Variants in IGSF10 observed in about 807,000 individuals in gnomAD.
IGSF10 encodes calvaria mechanical force protein 608.
In IGSF10, 126 loss-of-function variants were observed where a neutral mutation model predicts 128.2. The observed-to-expected ratio is 0.98, with a 90% CI of 0.85 to 1.14. The LOEUF (loss-of-function observed/expected upper bound fraction) is 1.14, where lower values mean the gene tolerates loss of function less well. Among genes scored for constraint, IGSF10 ranks in the 50% most tolerant of loss-of-function variants. The pLI is 0.00. For missense variants in IGSF10, 3,295 were observed against 3,149.8 expected, an observed-to-expected ratio of 1.05 and a Z score of -1.10; for synonymous variants, 1,185 against 1,146.2, an observed-to-expected ratio of 1.03 and a Z score of -0.68.
the IGSF10 span, among the ~76,000 whole-genome samples, chr3:151,614,719 C>G: frequency 6.6e-6 from 1 of 151,812 alleles, no homozygotes; most frequent in Admixed American, 6.6e-5. Context: ...ATACCTAATG[C>G]TAAATGACAA....
rs1721216604 is a variant in IGSF10, at chr3:151,446,702, G to A, written c.3279C>T (p.Asp1093=). 1.2e-6 allele frequency: 2 copies of A among 1,614,030 alleles called. No individual in the cohort carries two copies. The highest frequency in any genetic ancestry group is 8.5e-7 in the Non-Finnish European group (1 of 1,180,028). ...ACTCTTCTGATGGGACTCTAGCAAT[G>A]TCAGCTTTGGGGAAGGTGATGGGAG... is the stretch of plus-strand genomic sequence containing the variant. The part of the protein sequence containing the change: ...SAAPITFPKA[D]IARVPSEEST... The change falls in exon 6 of 8, where the codon GAC becomes GAT. Residue 1093 remains aspartate, a synonymous_variant. Transcript: ENST00000282466.
At chr3:151,512,454 T>C in the IGSF10 span, among the ~76,000 whole-genome samples, 7 of 152,158 alleles carry the variant, frequency 4.6e-5, no homozygotes, top group East Asian at 1.4e-3. Context: ...CTGGGACATA[T>C]TCAAAGCAGT....
At chr3:151,579,098 C>T in the IGSF10 span, among the ~76,000 whole-genome samples, 30 of 152,200 alleles carry the variant, frequency 2.0e-4, no homozygotes, top group African/African-American at 6.7e-4. Flanking sequence ...AAACATTCTC[C>T]GAAAACCCAA....
chr3:151,549,838 ATG>A, the IGSF10 span, among the ~76,000 whole-genome samples: 526 of 152,290 alleles, frequency 3.5e-3, 4 homozygotes, highest in African/African-American at 0.012. Context: ...TAATCTAGAT[ATG>A]TCTCATTGAA....
chr3:151,516,796 T>C, the IGSF10 span, among the ~76,000 whole-genome samples: 1 of 152,084 alleles, frequency 6.6e-6, no homozygotes, highest in Non-Finnish European at 1.5e-5. Context: ...GTAAAAACAA[T>C]TAGATTAGGA....
chr3:151,576,233 C>T, the IGSF10 span, among the ~76,000 whole-genome samples: 2 of 151,722 alleles, frequency 1.3e-5, no homozygotes, highest in African/African-American at 2.4e-5. Flanking sequence ...GCACCATTTT[C>T]ATTATACATT....
Position 151,438,340 on chromosome 3 carries a change from A to C in IGSF10, c.6221T>G (p.Leu2074Trp), listed in dbSNP as rs1391356696. Reference sequence around the variant, plus strand: ...ATTGTTGATCATGGTTCCATCAGGCAAACTCCAAGATATCTCTGGCACTGG... The same window carrying C: ...ATTGTTGATCATGGTTCCATCAGGCCAACTCCAAGATATCTCTGGCACTGG... ...GSPVPEISWS[L>W]PDGTMINNAM... Residue 2074 changes from leucine (L) to tryptophan (W), a missense_variant, in exon 8 of 8, where the codon TTG becomes TGG. Transcript: ENST00000282466. The C allele has an allele frequency of 6.2e-7, 1 of 1,614,080 alleles. No homozygotes were observed. Among genetic ancestry groups the C allele is most frequent in the Non-Finnish European group, 8.5e-7 (1 of 1,180,034 alleles).
chr3:151,452,103 T>C (rs1721536951), intron 5 of IGSF10, among the ~76,000 whole-genome samples: 1 of 152,138 alleles, frequency 6.6e-6, no homozygotes, highest in Non-Finnish European at 1.5e-5. Context: ...GACTGACCCA[T>C]GGGTCTCGTA....
At chr3:151,510,467 A>G in the IGSF10 span, among the ~76,000 whole-genome samples, 3 of 152,190 alleles carry the variant, frequency 2.0e-5, no homozygotes, top group Non-Finnish European at 4.4e-5. Flanking sequence ...ACCCATCTGT[A>G]CGTCACCATC....
chr3:151,547,586 G>A, the IGSF10 span, among the ~76,000 whole-genome samples: 10 of 151,974 alleles, frequency 6.6e-5, no homozygotes, highest in Admixed American at 6.6e-4. Context: ...TACTGTACCT[G>A]GTGCATATTT....
the IGSF10 span, among the ~76,000 whole-genome samples, chr3:151,593,058 ACT>A: frequency 3.9e-5 from 6 of 152,270 alleles, no homozygotes; most frequent in South Asian, 8.3e-4. Flanking sequence ...ACGTTTAAAC[ACT>A]CTGTCAACAT....
At chr3:151,454,968 C>T (rs554549001) in intron 4 of IGSF10, among the ~76,000 whole-genome samples, 10 of 152,008 alleles carry the variant, frequency 6.6e-5, no homozygotes, top group African/African-American at 9.7e-5. Context: ...ATTGCACCAC[C>T]GCACTCCAGC....
At chr3:151,568,702 A>G in the IGSF10 span, among the ~76,000 whole-genome samples, 2 of 152,132 alleles carry the variant, frequency 1.3e-5, no homozygotes, top group Non-Finnish European at 2.9e-5. Flanking sequence ...CCTCCCATGC[A>G]ATAGAAAAAG....
the IGSF10 span, among the ~76,000 whole-genome samples, chr3:151,543,423 C>T: frequency 6.6e-6 from 1 of 152,192 alleles, no homozygotes; most frequent in African/African-American, 2.4e-5. Flanking sequence ...TGCAGCTGCA[C>T]AGCTGGCTCT....
rs1721199270 is a variant in IGSF10 at position 151,446,529 on chromosome 3, G to A, written c.3452C>T (p.Pro1151Leu). The change falls in exon 6 of 8, where the codon CCC becomes CTC. Residue 1151 changes from proline (P) to leucine (L), a missense_variant. Coordinates refer to ENST00000282466, the MANE Select transcript of IGSF10 (RefSeq NM_178822.5). ...GTTTACTTTGTGAGTTTTTTCCATG[G>A]GTATGGATGTTGGAGCATATGTCAT... ...AVMTYAPTSI[P>L]MEKTHKVNAS... is the part of the protein sequence containing the mutation. 6.2e-7 allele frequency: 1 copy of A among 1,614,084 alleles called. No homozygotes were observed. Among genetic ancestry groups the A allele is most frequent in the South Asian group, 1.1e-5 (1 of 91,076 alleles).
chr3:151,536,660 CA>C, the IGSF10 span, among the ~76,000 whole-genome samples: 2 of 151,860 alleles, frequency 1.3e-5, no homozygotes, highest in Non-Finnish European at 2.9e-5. Context: ...AAATGTTCAC[CA>C]AAAAAATGCC....
chr3:151,483,624 A>G, the IGSF10 span, among the ~76,000 whole-genome samples: 1 of 152,140 alleles, frequency 6.6e-6, no homozygotes, highest in Non-Finnish European at 1.5e-5. Context: ...AGGTCATCTC[A>G]CTGGGACTGG....
the IGSF10 span, among the ~76,000 whole-genome samples, chr3:151,533,235 C>G: frequency 1.3e-5 from 2 of 152,176 alleles, no homozygotes; most frequent in Non-Finnish European, 2.9e-5. Context: ...GCCATACAGG[C>G]CAAAGTAATT....
At chr3:151,561,044 G>C in the IGSF10 span, among the ~76,000 whole-genome samples, 3 of 152,132 alleles carry the variant, frequency 2.0e-5, no homozygotes, top group Non-Finnish European at 4.4e-5. Flanking sequence ...ATATTTCAGA[G>C]AGTATACATT....
Sources: allele counts gnomAD v4.1 joint callset (sites outside exome capture counted in the v4.1 genomes callset), GRCh38; gene constraint gnomAD v4.1.1; transcripts MANE v1.5; gene names NCBI Gene and HGNC (gene_info 2026-07-23, HGNC 2026-07-21).